PLPP7: variants seen among roughly 807,000 people sequenced by gnomAD.
The protein encoded by PLPP7 is inactive phospholipid phosphatase 7.
In PLPP7, 11 loss-of-function variants were observed where a neutral mutation model predicts 16.9. That is an observed-to-expected ratio of 0.65 (90% confidence interval 0.41 to 1.08). The LOEUF is 1.08. Ranked by LOEUF, PLPP7 falls within the 50% of genes least tolerant of loss-of-function variation. The pLI, the probability that PLPP7 is intolerant of heterozygous loss-of-function variation, is 0.00. For synonymous variants in PLPP7, 174 were observed against 175.1 expected (o/e 0.99, Z 0.05); for missense variants, 358 against 397.1 (o/e 0.90, Z 0.84).
intron 1 of PLPP7, among the ~76,000 whole-genome samples, chr9:131,299,882 G>C (rs1835777070): frequency 6.6e-6 from 1 of 152,212 alleles, no homozygotes; most frequent in Admixed American, 6.5e-5. Flanking sequence ...GGTCAACCCA[G>C]CTGGAGAGCC....
At chr9:131,291,518 G>T in intron 1 of PLPP7, 1 of 624,570 alleles carries the variant, frequency 1.6e-6, no homozygotes, top group Non-Finnish European at 2.0e-6. Context: ...CTTCATGCAG[G>T]AGATGGCTGG....
At position 131,293,751 on chromosome 9, in the gene PLPP7, T is replaced by C. The variant is rs73656113; in HGVS notation, c.451+3303T>C. On this transcript the variant is annotated intron_variant, in intron 1 of 1. Transcript: ENST00000372264. ...GTCTCTGAGCCTCAGTTTCCCTATC[T>C]GGGGGCTGAGGGGGATGTGGCAGGG... Among the ~76,000 whole-genome samples the C allele has an allele frequency of 8.9e-3, 1,352 of 152,238 alleles. 21 individuals are homozygous for C. Among genetic ancestry groups the C allele is most frequent in the African/African-American group, 0.031 (1,284 of 41,538 alleles).
chr9:131,308,033 G>A lies in PLPP7; in HGVS notation c.562G>A (p.Ala188Thr), dbSNP rs1242757311. 2 of 1,600,882 alleles carry A rather than the reference G, an allele frequency of 1.2e-6. No individual in the cohort carries two copies. The highest frequency in any genetic ancestry group is 2.2e-5 in the East Asian group (1 of 44,878). Reference sequence around the variant, plus strand: ...GGACTACCTCACCATGGACATCTACGCCTTCCCGGCCGGGCACGCCAGCCG... The same window carrying A: ...GGACTACCTCACCATGGACATCTACACCTTCCCGGCCGGGCACGCCAGCCG... ...LLDYLTMDIY[A>T]FPAGHASRAA... is the part of the protein sequence containing the mutation. The change falls in exon 2 of 2, where the codon GCC (alanine) becomes ACC (threonine). Residue 188 changes from alanine (A) to threonine (T), a missense_variant. Physicochemically the swap from Ala to Thr is moderately conservative, Grantham distance 58 (BLOSUM62 0). Transcript: ENST00000372264.
chr9:131,307,846 G>T lies in PLPP7; in HGVS notation c.452-77G>T. 7 of 1,419,588 alleles carry T rather than the reference G, an allele frequency of 4.9e-6. No homozygotes were observed. The South Asian group carries it at 5.7e-5, about 11-fold the overall frequency. 87.9% of individuals were successfully genotyped at this position (1,419,588 alleles called of 1,614,324 possible). A position where few individuals can be genotyped will look rare whatever the true frequency, so the allele number is the denominator to read the frequency against. On this transcript the variant is annotated intron_variant, in intron 1 of 1. Transcript: ENST00000372264. ...GTGAGGAGCAGAAAGGGGAGGCGAG[G>T]TGGAAATGTGGGGGGCCAGGGCCTG...
At chr9:131,297,513 G>A (rs972263363) in intron 1 of PLPP7, among the ~76,000 whole-genome samples, 2 of 151,896 alleles carry the variant, frequency 1.3e-5, no homozygotes, top group African/African-American at 4.8e-5. Flanking sequence ...AGCCTCCTGG[G>A]TAGCTGGGAT....
At chr9:131,297,500 C>T (rs756880226) in intron 1 of PLPP7, among the ~76,000 whole-genome samples, 38 of 151,868 alleles carry the variant, frequency 2.5e-4, no homozygotes, top group Admixed American at 8.5e-4. Flanking sequence ...ATTCTCCTGC[C>T]TCAGCCTCCT....
Position 131,290,618 on chromosome 9 carries a change from GA to G in PLPP7, c.451+171del, listed in dbSNP as rs1835661560. ...GAAACAGGCAGGCTCCGGCGTGGGG[GA>G]GCGACAGCCAGGGATGCATAGACGA... is the stretch of plus-strand genomic sequence containing the variant. On this transcript the variant is annotated intron_variant, in intron 1 of 1. Coordinates refer to ENST00000372264, the MANE Select transcript of PLPP7 (RefSeq NM_032728.4). The surrounding 1 kb of genome is among the most constrained non-coding windows in gnomAD (Gnocchi z 4.2). Among the ~76,000 whole-genome samples the G allele has an allele frequency of 7.5e-6, 1 of 133,878 alleles. No homozygotes were observed. The allele number at this position is 133,878 out of a possible 152,430, so 87.8% of individuals were successfully genotyped here.
At chr9:131,299,164 A>G (rs537833356) in intron 1 of PLPP7, among the ~76,000 whole-genome samples, 35 of 152,182 alleles carry the variant, frequency 2.3e-4, no homozygotes, top group African/African-American at 7.9e-4. Context: ...CCGACCTTGA[A>G]GCCGGTCTCT....
intron 1 of PLPP7, among the ~76,000 whole-genome samples, chr9:131,291,684 C>A (rs1399425208): frequency 6.6e-6 from 1 of 151,776 alleles, no homozygotes; most frequent in Non-Finnish European, 1.5e-5. Flanking sequence ...CGGGTTCAAG[C>A]AATTCTCCTA....
intron 1 of PLPP7, among the ~76,000 whole-genome samples, chr9:131,304,681 GTTATGA>G (rs942664058): frequency 6.6e-6 from 1 of 152,164 alleles, no homozygotes; most frequent in African/African-American, 2.4e-5. Flanking sequence ...CACCTCGCTG[GTTATGA>G]GCCTCAGGCC....
rs765792416 is a variant in PLPP7 at position 131,308,294 on chromosome 9, C to T, written c.*7C>T. ...GCTCATCTCTGCCTGGTGAAGCGCC[C>T]GCCGGCCCACACAAGCCTCTGGGGG... On this transcript the variant is annotated 3_prime_UTR_variant, in exon 2 of 2. Coordinates refer to ENST00000372264, the MANE Select transcript of PLPP7 (RefSeq NM_032728.4). The T allele has an allele frequency of 3.5e-5, 55 of 1,576,964 alleles. No individual in the cohort carries two copies. Among genetic ancestry groups the T allele is most frequent in the South Asian group, 6.8e-5 (6 of 87,738 alleles).
At position 131,308,477 on chromosome 9, in the gene PLPP7, G is replaced by T; in HGVS notation, c.*190G>T. On this transcript the variant is annotated 3_prime_UTR_variant, in exon 2 of 2. Transcript: ENST00000372264. ...CCCCTCCCGGAGACAAGCGTGTTTG[G>T]CAGTGCCAGGCCTCTTGCCCCTTTG... The T allele has an allele frequency of 1.0e-6, 1 of 952,772 alleles. No individual in the cohort carries two copies. Among genetic ancestry groups the T allele is most frequent in the Non-Finnish European group, 1.5e-6 (1 of 661,010 alleles). The allele number at this position is 952,772 out of a possible 1,614,324, so 59.0% of individuals were successfully genotyped here.
intron 1 of PLPP7, chr9:131,291,195 C>T (rs1475546906): frequency 1.1e-5 from 15 of 1,362,854 alleles, no homozygotes; most frequent in South Asian, 5.7e-5. Context: ...GCCCAGCCCC[C>T]GTCCGGCCCA....
chr9:131,299,749 G>C (rs1458067951), intron 1 of PLPP7, among the ~76,000 whole-genome samples: 1 of 152,194 alleles, frequency 6.6e-6, no homozygotes, highest in Admixed American at 6.5e-5. Flanking sequence ...CGTCCCGTTT[G>C]GCCATAGGAG....
chr9:131,291,357 G>A, intron 1 of PLPP7: 6 of 1,182,376 alleles, frequency 5.1e-6, no homozygotes, highest in Non-Finnish European at 6.4e-6. Context: ...TTAACAAGGG[G>A]TCTCAGTTCC....
At chr9:131,293,893 C>T (rs186027008) in intron 1 of PLPP7, among the ~76,000 whole-genome samples, 6 of 152,286 alleles carry the variant, frequency 3.9e-5, no homozygotes, top group Admixed American at 1.3e-4. Context: ...GCTCTGGCCC[C>T]GTGGCACTCA....
intron 1 of PLPP7, among the ~76,000 whole-genome samples, chr9:131,294,625 G>A (rs1398259387): frequency 6.6e-6 from 1 of 152,080 alleles, no homozygotes; most frequent in African/African-American, 2.4e-5. Context: ...CTTGTTCCTT[G>A]ATCTATGTCC....
chr9:131,300,564 C>A (rs953347622), intron 1 of PLPP7, among the ~76,000 whole-genome samples: 3 of 151,912 alleles, frequency 2.0e-5, no homozygotes, highest in African/African-American at 7.3e-5. Context: ...TGCCTGTGGT[C>A]CCACCTACAT....
intron 1 of PLPP7, among the ~76,000 whole-genome samples, chr9:131,305,107 C>G (rs1835839469): frequency 6.6e-6 from 1 of 152,098 alleles, no homozygotes; most frequent in Admixed American, 6.5e-5. Context: ...GAGTTACTGT[C>G]ATTACCAACC....
Sources: gnomAD v4.1 joint callset for allele counts (sites outside exome capture counted in the v4.1 genomes callset) on GRCh38, gnomAD v4.1.1 for gene constraint, Gnocchi (gnomAD v3.1) non-coding constraint, MANE v1.5 for transcripts, NCBI Gene and HGNC (gene_info 2026-07-23, HGNC 2026-07-21) for gene names.